The following KLHL2 variants were observed in gnomAD, a reference collection of about 807,000 sequenced individuals.
KLHL2 encodes kelch-like protein 2.
KLHL2 carries 15 observed loss-of-function variants against 75.8 expected under a neutral mutation model. That is an observed-to-expected ratio of 0.20 (90% CI 0.13 to 0.30). KLHL2 has a LOEUF of 0.30. KLHL2 is among the 10% of genes least tolerant of loss of function. The pLI, the probability that KLHL2 is intolerant of heterozygous loss-of-function variation, is 1.00. For missense variants in KLHL2, 381 were observed against 741.0 expected, an observed-to-expected ratio of 0.51 and a Z score of 5.64; for synonymous variants, 214 against 251.9, an observed-to-expected ratio of 0.85 and a Z score of 1.42.
intron 4 of KLHL2, among the ~76,000 whole-genome samples, chr4:165,261,035 TA>T (rs750992654): frequency 6.6e-6 from 1 of 152,234 alleles, no homozygotes; most frequent in Non-Finnish European, 1.5e-5. Flanking sequence ...AGGAAAATGC[TA>T]ATTAGAGGAG....
intron 4 of KLHL2, among the ~76,000 whole-genome samples, chr4:165,261,338 C>CTATTTT (rs1330229578): frequency 7.0e-6 from 1 of 141,918 alleles, no homozygotes; most frequent in South Asian, 2.2e-4. Context: ...ACTTTATTTT[C>CTATTTT]TATTTTTATT....
At position 165,294,523 on chromosome 4, in the gene KLHL2, T is replaced by C. The variant is rs77966608; in HGVS notation, c.654+55T>C. The stretch of plus-strand genomic sequence containing the variant: ...AATGATGTTTCCCTTTTTTTTTTTT[T>C]AATTTCACTTTTTTTTATAGCTTTG... On this transcript the variant is annotated intron_variant, in intron 6 of 14. Coordinates refer to ENST00000226725, the MANE Select transcript of KLHL2 (RefSeq NM_007246.4). The C allele has an allele frequency of 8.9e-6, 8 of 895,394 alleles. No homozygotes were observed. In the East Asian group the frequency reaches 2.1e-4, roughly 23 times the overall value. 55.5% of individuals were successfully genotyped at this position (895,394 alleles called of 1,614,324 possible). A position where few individuals can be genotyped will look rare whatever the true frequency, so the allele number is the denominator to read the frequency against.
intron 8 of KLHL2, among the ~76,000 whole-genome samples, chr4:165,302,665 A>G (rs73860630): frequency 0.077 from 11,639 of 152,094 alleles, 911 homozygotes; most frequent in African/African-American, 0.2. Flanking sequence ...CTGTATTTTT[A>G]TAAGGGCTGT....
chr4:165,313,411 A>C (rs771278619), intron 12 of KLHL2, 45 bp downstream of exon 12: 8 of 1,401,148 alleles, frequency 5.7e-6, no homozygotes, highest in Admixed American at 2.7e-5. Context: ...AAAATGATGG[A>C]AAATAGTTAA....
At position 165,315,828 on chromosome 4, in the gene KLHL2, G is replaced by C. The variant is rs898185727; in HGVS notation, c.1609+1662G>C. On this transcript the variant is annotated intron_variant, in intron 13 of 14. Coordinates refer to ENST00000226725, the MANE Select transcript of KLHL2 (RefSeq NM_007246.4). Reference sequence around the variant, plus strand: ...ATGTATTCAATGTTAAGCGGGGAGAGGTGAAAGCATCCATATAAATTTGAA... The same window carrying C: ...ATGTATTCAATGTTAAGCGGGGAGACGTGAAAGCATCCATATAAATTTGAA... Among the ~76,000 whole-genome samples the C allele has an allele frequency of 3.3e-5, 5 of 152,114 alleles. No individual in the cohort carries two copies. The South Asian group carries it at 1.0e-3, about 31-fold the overall frequency.
intron 5 of KLHL2, among the ~76,000 whole-genome samples, chr4:165,266,534 A>G (rs925232120): frequency 3.9e-5 from 6 of 152,308 alleles, no homozygotes; most frequent in Non-Finnish European, 8.8e-5. Context: ...AGCTTTCTGC[A>G]TATGGCTAGC....
At chr4:165,271,719 T>G (rs1345194106) in intron 5 of KLHL2, among the ~76,000 whole-genome samples, 1 of 152,244 alleles carries the variant, frequency 6.6e-6, no homozygotes, top group African/African-American at 2.4e-5. Flanking sequence ...TTCTGGAAGA[T>G]AAATCTGGTA....
intron 4 of KLHL2, among the ~76,000 whole-genome samples, chr4:165,245,862 T>C (rs1740217343): frequency 6.6e-6 from 1 of 152,118 alleles, no homozygotes; most frequent in Admixed American, 6.5e-5. Flanking sequence ...AGCTTACCTC[T>C]TTTTTTCACT....
At chr4:165,310,342 AAATAAT>A (rs1158219030) in intron 9 of KLHL2, among the ~76,000 whole-genome samples, 7 of 152,204 alleles carry the variant, frequency 4.6e-5, no homozygotes, top group African/African-American at 1.2e-4. Flanking sequence ...AGAAAGGAAG[AAATAAT>A]AATAATAATA....
intron 2 of KLHL2, among the ~76,000 whole-genome samples, chr4:165,221,087 C>T (rs1158003107): frequency 6.6e-6 from 1 of 152,160 alleles, no homozygotes; most frequent in Non-Finnish European, 1.5e-5. Flanking sequence ...TTAGGCCCAT[C>T]ATTTGTTTGT....
chr4:165,286,953 A>G (rs1466075527), intron 5 of KLHL2, among the ~76,000 whole-genome samples: 1 of 152,172 alleles, frequency 6.6e-6, no homozygotes, highest in Non-Finnish European at 1.5e-5. Context: ...TTTAATTTTC[A>G]TCACCAGTGT....
chr4:165,317,494 A>G (rs1026853054), intron 13 of KLHL2, among the ~76,000 whole-genome samples: 2 of 151,676 alleles, frequency 1.3e-5, no homozygotes, highest in Non-Finnish European at 2.9e-5. Context: ...CTCTTGGAGT[A>G]GCTGGGACCA....
At chr4:165,228,398 G>A (rs1040803908) in intron 2 of KLHL2, among the ~76,000 whole-genome samples, 2 of 151,334 alleles carry the variant, frequency 1.3e-5, no homozygotes, top group African/African-American at 4.9e-5. Context: ...GAGGGGATGG[G>A]TATTTGACCC....
Position 165,322,968 on chromosome 4 carries a change from T to A in KLHL2, c.*908T>A, listed in dbSNP as rs1405977827. ...ATGGAATTCAATTGAATTTGCATGG[T>A]CTTCGGAATTTTTTCTGTGTGTATA... On this transcript the variant is annotated 3_prime_UTR_variant, in exon 15 of 15. Transcript: ENST00000226725. The A allele has an allele frequency of 6.6e-6, 1 of 152,650 alleles. No homozygotes were observed. The highest frequency in any genetic ancestry group is 1.5e-5 in the Non-Finnish European group (1 of 68,030). 9.5% of individuals were successfully genotyped at this position (152,650 alleles called of 1,614,324 possible).
intron 10 of KLHL2, 81 bp from the exon 11 acceptor site, chr4:165,311,383 A>C (rs866827933): frequency 4.2e-6 from 4 of 951,964 alleles, no homozygotes; most frequent in African/African-American, 1.6e-5. Context: ...CCAGTATAAC[A>C]TACCTGAAGT....
At chr4:165,227,294 C>T (rs1428688868) in intron 2 of KLHL2, among the ~76,000 whole-genome samples, 1 of 152,176 alleles carries the variant, frequency 6.6e-6, no homozygotes, top group Non-Finnish European at 1.5e-5. Context: ...CCCTGGGATG[C>T]AGTCATCACT....
rs138384986 is a variant in KLHL2, at chr4:165,263,250, T to C, written c.435T>C (p.Cys145=). The change falls in exon 5 of 15, where the codon TGT becomes TGC. Residue 145 remains cysteine (C), a synonymous_variant. Transcript: ENST00000226725. The stretch of plus-strand genomic sequence containing the variant: ...AGTTACAGGATGTGAAGAAGACTTG[T>C]TGTGAATTTTTGGAATCCCAGCTTC... ...LLQLQDVKKT[C]CEFLESQLHP... 36 of 1,613,966 alleles carry C rather than the reference T, an allele frequency of 2.2e-5. No individual in the cohort carries two copies. The highest frequency in any genetic ancestry group is 2.7e-5 in the Non-Finnish European group (32 of 1,179,978).
chr4:165,281,092 T>C (rs540420099), intron 5 of KLHL2, among the ~76,000 whole-genome samples: 1 of 152,308 alleles, frequency 6.6e-6, no homozygotes, highest in East Asian at 1.9e-4. Context: ...ACTATTCAAA[T>C]GGGACTTTGC....
chr4:165,279,673 T>G, intron 5 of KLHL2: 1 of 1,595,420 alleles, frequency 6.3e-7, no homozygotes, highest in Non-Finnish European at 8.6e-7. Flanking sequence ...CGCCCGCGTT[T>G]GCGGCCGGTT....
Sources: allele counts gnomAD v4.1 joint callset (sites outside exome capture counted in the v4.1 genomes callset), GRCh38; gene constraint gnomAD v4.1.1; transcripts MANE v1.5; gene names NCBI Gene and HGNC (gene_info 2026-07-23, HGNC 2026-07-21).